Variants in GRIN2A observed in about 807,000 individuals in gnomAD.
GRIN2A encodes the protein glutamate ionotropic receptor NMDA type subunit 2A, also known as glutamate receptor ionotropic, NMDA 2A.
GRIN2A carries 22 observed loss-of-function variants against 113.4 expected under a neutral mutation model. The ratio of observed to expected loss-of-function variants is 0.19; its 90% CI spans 0.14 to 0.28. GRIN2A has a LOEUF of 0.28. Among genes scored for constraint, GRIN2A ranks in the 10% least tolerant of loss-of-function variants. The pLI, the probability that GRIN2A is intolerant of heterozygous loss-of-function variation, is 1.00. For missense variants in GRIN2A, 1,502 were observed against 1,887.0 expected (o/e 0.80, Z 3.78); for synonymous variants, 827 against 738.4 (o/e 1.12, Z -1.94).
chr16:10,110,432 T>A (rs2048590783), intron 2 of GRIN2A, among the ~76,000 whole-genome samples: 1 of 152,216 alleles, frequency 6.6e-6, no homozygotes, highest in African/African-American at 2.4e-5. Flanking sequence ...GTGGAACTGT[T>A]TGTTTTAATA....
At chr16:10,149,917 A>G (rs922389276) in intron 2 of GRIN2A, among the ~76,000 whole-genome samples, 3 of 152,264 alleles carry the variant, frequency 2.0e-5, no homozygotes, top group Admixed American at 1.3e-4. Context: ...TGAACAAAGA[A>G]TGATTCAAGA....
intron 10 of GRIN2A, among the ~76,000 whole-genome samples, chr16:9,821,260 C>G (rs535512874): frequency 4.6e-5 from 7 of 152,184 alleles, no homozygotes; most frequent in Non-Finnish European, 8.8e-5. Flanking sequence ...CCTCATTAAA[C>G]AACTCTGTCA....
chr16:9,935,486 G>T (rs2044690468), intron 3 of GRIN2A, among the ~76,000 whole-genome samples: 1 of 148,316 alleles, frequency 6.7e-6, no homozygotes, highest in Admixed American at 6.7e-5. Context: ...TATGTTAATT[G>T]TAAGAAGTAT....
chr16:10,052,884 C>G (rs2047382696), intron 2 of GRIN2A, among the ~76,000 whole-genome samples: 1 of 152,024 alleles, frequency 6.6e-6, no homozygotes, highest in Admixed American at 6.6e-5. Flanking sequence ...CTCATCTCTA[C>G]TAAAAATACA....
intron 10 of GRIN2A, among the ~76,000 whole-genome samples, chr16:9,813,684 A>G (rs190882259): frequency 6.6e-6 from 1 of 151,186 alleles, no homozygotes; most frequent in African/African-American, 2.4e-5. Flanking sequence ...TAATTCCAAG[A>G]ACCCCACCCC....
intron 2 of GRIN2A, among the ~76,000 whole-genome samples, chr16:9,959,193 C>A (rs1176343704): frequency 6.6e-6 from 1 of 152,192 alleles, no homozygotes; most frequent in Non-Finnish European, 1.5e-5. Flanking sequence ...GATTTGCACT[C>A]ATCTGTCACA....
At chr16:9,788,663 TTGTC>T (rs1449283307) in intron 11 of GRIN2A, among the ~76,000 whole-genome samples, 1 of 151,958 alleles carries the variant, frequency 6.6e-6, no homozygotes. Context: ...CCCACACTAT[TTGTC>T]TTTCTTTCTT....
At chr16:10,019,130 T>A (rs887246671) in intron 2 of GRIN2A, among the ~76,000 whole-genome samples, 5 of 151,372 alleles carry the variant, frequency 3.3e-5, no homozygotes, top group Admixed American at 6.6e-5. Flanking sequence ...TGTGCCTCAG[T>A]TGCCCCATTA....
intron 4 of GRIN2A, among the ~76,000 whole-genome samples, chr16:9,852,700 A>G (rs572387699): frequency 6.6e-6 from 1 of 152,284 alleles, no homozygotes; most frequent in South Asian, 2.1e-4. Flanking sequence ...ACCCTTCGGC[A>G]CCCCACTGCA....
At chr16:10,081,568 C>T (rs551591155) in intron 2 of GRIN2A, among the ~76,000 whole-genome samples, 73 of 152,310 alleles carry the variant, frequency 4.8e-4, no homozygotes, top group African/African-American at 1.7e-3. Flanking sequence ...GAACCCAGGG[C>T]AGGCCTTAAG....
intron 10 of GRIN2A, among the ~76,000 whole-genome samples, chr16:9,799,260 G>A (rs1025164847): frequency 9.9e-5 from 15 of 152,192 alleles, no homozygotes; most frequent in African/African-American, 2.7e-4. Context: ...CTAATCCACT[G>A]TGGCTGCCGT....
At chr16:9,943,691 T>C (rs1445250830) in intron 2 of GRIN2A, among the ~76,000 whole-genome samples, 1 of 152,226 alleles carries the variant, frequency 6.6e-6, no homozygotes, top group Non-Finnish European at 1.5e-5. Context: ...TTCCCTGAGA[T>C]CTACATGGCC....
chr16:9,788,014 C>T (rs1218093831), intron 11 of GRIN2A, among the ~76,000 whole-genome samples: 2 of 152,176 alleles, frequency 1.3e-5, no homozygotes, highest in African/African-American at 2.4e-5. Flanking sequence ...TACCAACACA[C>T]CGGAGCCGAG....
chr16:9,911,453 T>C (rs1356267569), intron 3 of GRIN2A, among the ~76,000 whole-genome samples: 1 of 152,228 alleles, frequency 6.6e-6, no homozygotes, highest in African/African-American at 2.4e-5. Context: ...GTGTTAGCGA[T>C]CTTGGGCAAG....
intron 11 of GRIN2A, among the ~76,000 whole-genome samples, chr16:9,776,777 C>A (rs146699722): frequency 6.6e-6 from 1 of 151,602 alleles, no homozygotes; most frequent in South Asian, 2.1e-4. Context: ...GGGTTGGGTA[C>A]TTTGGGTTTC....
intron 2 of GRIN2A, among the ~76,000 whole-genome samples, chr16:10,089,013 G>C (rs913850760): frequency 2.0e-5 from 3 of 152,156 alleles, no homozygotes; most frequent in Non-Finnish European, 4.4e-5. Flanking sequence ...CTCTCCTCAT[G>C]CCTCAGTTTT....
chr16:10,043,822 T>C (rs1203467106), intron 2 of GRIN2A, among the ~76,000 whole-genome samples: 1 of 152,022 alleles, frequency 6.6e-6, no homozygotes, highest in Non-Finnish European at 1.5e-5. Context: ...CATTTGATGC[T>C]TAATATACAC....
intron 2 of GRIN2A, among the ~76,000 whole-genome samples, chr16:10,032,983 C>A (rs532588197): frequency 2.0e-5 from 3 of 152,180 alleles, no homozygotes; most frequent in Admixed American, 1.3e-4. Context: ...CTACACCATG[C>A]TTTTAAGCAC....
intron 11 of GRIN2A, among the ~76,000 whole-genome samples, chr16:9,792,200 A>G (rs1268791353): frequency 6.6e-6 from 1 of 151,962 alleles, no homozygotes; most frequent in Non-Finnish European, 1.5e-5. Flanking sequence ...TCCAGGCAAC[A>G]TTGGTTGAGT....
Sources: gnomAD v4.1 joint callset for allele counts (sites outside exome capture counted in the v4.1 genomes callset) on GRCh38, gnomAD v4.1.1 for gene constraint, MANE v1.5 for transcripts, NCBI Gene and HGNC (gene_info 2026-07-23, HGNC 2026-07-21) for gene names.